Variants in TPM3 observed in about 807,000 individuals in gnomAD.
TPM3 encodes tropomyosin 3, also known as tropomyosin alpha-3 chain.
In TPM3, 16 loss-of-function variants were observed where a neutral mutation model predicts 43.1. The ratio of observed to expected loss-of-function variants is 0.37; its 90% CI spans 0.25 to 0.56. The LOEUF (loss-of-function observed/expected upper bound fraction) is 0.56. Among genes scored for constraint, TPM3 ranks in the 20% least tolerant of loss-of-function variants. The pLI, the probability that TPM3 is intolerant of heterozygous loss-of-function variation, is 0.77. For missense variants in TPM3, 176 were observed against 337.2 expected, an observed-to-expected ratio of 0.52 and a Z score of 3.74; for synonymous variants, 101 against 116.9, an observed-to-expected ratio of 0.86 and a Z score of 0.88.
Position 154,173,236 on chromosome 1 carries a change from C to G in TPM3, c.378-35G>C, listed in dbSNP as rs1301908892. Reference sequence around the variant, plus strand: ...ATAGGACAAAAGCAATACTGACACCCTGAGGAGTGTGTCGTCAGCTCCACT... The same window carrying G: ...ATAGGACAAAAGCAATACTGACACCGTGAGGAGTGTGTCGTCAGCTCCACT... On this transcript the variant is annotated intron_variant, in intron 3 of 9. Transcript: ENST00000651641. 2.5e-6 allele frequency: 4 copies of G among 1,577,600 alleles called. No individual in the cohort carries two copies. In the African/African-American group the frequency reaches 5.4e-5, roughly 21 times the overall value.
In TPM3 at chr1:154,170,231, T is replaced by C. The variant is rs1022133924; in HGVS notation, c.775+169A>G. ...AAAAGATTAAATTTAAAAAACCAAT[T>C]CTAGAGTTTGACCCACTTTGCCTAG... On this transcript the variant is annotated intron_variant, in intron 8 of 9. Coordinates refer to ENST00000651641, the MANE Select transcript of TPM3 (RefSeq NM_152263.4). 4 of 691,804 alleles carry C rather than the reference T, an allele frequency of 5.8e-6. No individual in the cohort carries two copies. In the Admixed American group the frequency reaches 9.7e-5, roughly 17 times the overall value. 42.9% of individuals were successfully genotyped at this position (691,804 alleles called of 1,614,324 possible). A position where few individuals can be genotyped will look rare whatever the true frequency, so the allele number is the denominator to read the frequency against.
At chr1:154,159,419 G>A (rs899753725), downstream of TPM3, among the ~76,000 whole-genome samples, 1 of 152,182 alleles carries the variant, frequency 6.6e-6, no homozygotes, top group African/African-American at 2.4e-5. Context: ...CAATAATCAG[G>A]GTTTGAAAGG....
chr1:154,187,128 G>T, intron 2 of TPM3: 1 of 177,826 alleles, frequency 5.6e-6, no homozygotes, highest in Non-Finnish European at 1.1e-5. Flanking sequence ...TCCTTATTCA[G>T]CACCTCTCCC....
intron 1 of TPM3, among the ~76,000 whole-genome samples, 163 bp from the exon 2 acceptor site, chr1:154,191,474 G>A (rs528816007): frequency 2.7e-4 from 41 of 152,242 alleles, no homozygotes; most frequent in Non-Finnish European, 4.6e-4. Flanking sequence ...GAGTTATGCC[G>A]TAGCTTGGCC....
At chr1:154,183,014 C>G in intron 2 of TPM3, 3 of 1,610,466 alleles carry the variant, frequency 1.9e-6, no homozygotes, top group Non-Finnish European at 2.5e-6. Flanking sequence ...CTTTCTCCCT[C>G]AACTTCTCGC....
intron 8 of TPM3, 190 bp downstream of exon 8, chr1:154,170,210 G>T (rs1661414554): frequency 8.0e-6 from 5 of 626,290 alleles, no homozygotes; most frequent in East Asian, 2.8e-5. Flanking sequence ...TAAAGGAAAA[G>T]ATTAAATTTA....
chr1:154,182,894 CA>C (rs1213648996), intron 2 of TPM3: 3 of 1,592,846 alleles, frequency 1.9e-6, no homozygotes, highest in Non-Finnish European at 1.7e-6. Context: ...CGCCGGCCTT[CA>C]GAGGACCGTG....
intron 9 of TPM3, 40 bp from the exon 10 acceptor site, chr1:154,167,980 A>G (rs766942955): frequency 1.2e-6 from 2 of 1,613,780 alleles, no homozygotes; most frequent in Non-Finnish European, 1.7e-6. Context: ...GAGAAGGACT[A>G]GCATCAATCT....
rs186291812 is a variant in TPM3 at position 154,163,131 on chromosome 1, T to G, written c.*4806A>C. Among the ~76,000 whole-genome samples, 133 of 152,268 alleles carry G rather than the reference T, an allele frequency of 8.7e-4. No homozygotes were observed. The highest frequency in any genetic ancestry group is 1.6e-3 in the Non-Finnish European group (112 of 68,010). The stretch of plus-strand genomic sequence containing the variant: ...GTCTACTTCCTTCCTTTCTAAGAAG[T>G]CTTTCTTCATGTCAAAGCCAACTTC... On this transcript the variant is annotated 3_prime_UTR_variant, in exon 10 of 10. Transcript: ENST00000651641.
At chr1:154,184,346 CA>C (rs1043354129) in intron 2 of TPM3, among the ~76,000 whole-genome samples, 9 of 151,996 alleles carry the variant, frequency 5.9e-5, no homozygotes, top group African/African-American at 2.2e-4. Context: ...CATCATGCAC[CA>C]AATTAACCAA....
intron 2 of TPM3, chr1:154,178,106 T>C (rs1662545628): frequency 2.0e-6 from 2 of 984,086 alleles, no homozygotes; most frequent in Non-Finnish European, 2.4e-6. Context: ...GCTAGTAAAA[T>C]GACTTACCCC....
intron 9 of TPM3, among the ~76,000 whole-genome samples, chr1:154,168,443 G>GTTTCAT (rs1661221551): frequency 1.3e-5 from 2 of 152,162 alleles, no homozygotes; most frequent in African/African-American, 4.8e-5. Context: ...AAAAATCACA[G>GTTTCAT]TATAATGAAG....
chr1:154,191,896 GCCTA>G lies in TPM3; in HGVS notation c.117+2_117+5del, dbSNP rs749012587. ...GCAGATGAGAGAGATCAATGCCAGTGCCTACCTGTTTACTTCTTTCTTCTGCCTG... is the reference window on the plus strand; with the variant it reads ...GCAGATGAGAGAGATCAATGCCAGTGCCTGTTTACTTCTTTCTTCTGCCTG... On this transcript the variant is annotated splice_donor_variant and splice_donor_5th_base_variant and intron_variant, in intron 1 of 9. Transcript: ENST00000651641. LOFTEE classifies it high-confidence loss of function. The G allele has an allele frequency of 8.7e-6, 14 of 1,612,246 alleles. No homozygotes were observed. Among genetic ancestry groups the G allele is most frequent in the African/African-American group, 1.3e-5 (1 of 74,904 alleles).
intron 2 of TPM3, among the ~76,000 whole-genome samples, chr1:154,184,944 ATCCT>A (rs1450983213): frequency 1.3e-5 from 2 of 151,752 alleles, no homozygotes. Flanking sequence ...CTGTTACTAG[ATCCT>A]TCATGCAACA....
intron 1 of TPM3, chr1:154,191,639 A>G (rs757999690): frequency 3.2e-5 from 46 of 1,416,936 alleles, no homozygotes; most frequent in African/African-American, 4.3e-5. Context: ...CTTTTCCTCT[A>G]GAAGTCAAGG....
rs769493959 is a variant in TPM3, at chr1:154,173,178, C to T, written c.401G>A (p.Arg134Gln). The change falls in exon 4 of 10, where the codon CGG (arginine) becomes CAG (glutamine). Residue 134 changes from arginine (R) to glutamine (Q), a missense_variant. Coordinates refer to ENST00000651641, the MANE Select transcript of TPM3 (RefSeq NM_152263.4). ...CATCTTTTCTTCATCTTTTAAGGCC[C>T]GGTTTTCAATAACCTTCATACCTCT... ...SERGMKVIEN[R>Q]ALKDEEKMEL... is the part of the protein sequence containing the mutation. 6 of 1,613,854 alleles carry T rather than the reference C, an allele frequency of 3.7e-6. No homozygotes were observed. Among genetic ancestry groups the T allele is most frequent in the Non-Finnish European group, 5.1e-6 (6 of 1,179,998 alleles).
intron 2 of TPM3, chr1:154,178,145 G>C (rs1261859368): frequency 2.2e-5 from 22 of 985,334 alleles, no homozygotes; most frequent in Non-Finnish European, 2.5e-5. Flanking sequence ...ACTAGATTTA[G>C]AGGAAGCTCA....
rs186030435 is a variant in TPM3 at position 154,187,277 on chromosome 1, A to G, written c.243+3909T>C. 8 of 972,686 alleles carry G rather than the reference A, an allele frequency of 8.2e-6. No individual in the cohort carries two copies. The East Asian group carries it at 6.9e-4, about 83-fold the overall frequency. The allele number at this position is 972,686 out of a possible 1,614,324, so 60.3% of individuals were successfully genotyped here. A position where few individuals can be genotyped will look rare whatever the true frequency, so the allele number is the denominator to read the frequency against. ...CATGACTGTGTTCCGATAAAACTTTATTTACAAAACCAGGCTGTTGCAAGA... is the reference window on the plus strand; with the variant it reads ...CATGACTGTGTTCCGATAAAACTTTGTTTACAAAACCAGGCTGTTGCAAGA... On this transcript the variant is annotated intron_variant, in intron 2 of 9. Transcript: ENST00000651641.
chr1:154,178,182 C>A, intron 2 of TPM3: 2 of 985,424 alleles, frequency 2.0e-6, no homozygotes, highest in Non-Finnish European at 1.2e-6. Context: ...ATGCAGCTCA[C>A]CAGTAGTTAC....
Sources: gnomAD v4.1 joint callset for allele counts (sites outside exome capture counted in the v4.1 genomes callset) on GRCh38, gnomAD v4.1.1 for gene constraint, MANE v1.5 for transcripts, NCBI Gene and HGNC (gene_info 2026-07-23, HGNC 2026-07-21) for gene names.